AGT: variants seen among roughly 807,000 people sequenced by gnomAD.
AGT encodes alpha-1 antiproteinase, antitrypsin.
AGT carries 26 observed loss-of-function variants against 28.1 expected under a neutral mutation model. The observed-to-expected ratio is 0.92, with a 90% CI of 0.68 to 1.28. The LOEUF is 1.28. Ranked by LOEUF, AGT falls within the 50% of genes most tolerant of loss-of-function variation. The pLI is 0.00. For missense variants in AGT, 596 were observed against 592.3 expected (o/e 1.01, Z -0.06); for synonymous variants, 259 against 259.6 (o/e 1.00, Z 0.02).
intron 1 of AGT, among the ~76,000 whole-genome samples, chr1:230,739,957 G>T (rs540289488): frequency 2.6e-5 from 4 of 152,192 alleles, no homozygotes; most frequent in Admixed American, 2.0e-4. Context: ...CGTAAAGAAA[G>T]AATGGCCACT....
chr1:230,733,903 A>G (rs987944117), intron 1 of AGT, among the ~76,000 whole-genome samples: 4 of 152,080 alleles, frequency 2.6e-5, no homozygotes, highest in Admixed American at 6.6e-5. Flanking sequence ...TCTGCCAGTC[A>G]TTCAGGGACC....
chr1:230,707,607 C>T (rs370952716), intron 2 of AGT, among the ~76,000 whole-genome samples: 1 of 152,178 alleles, frequency 6.6e-6, no homozygotes, highest in Non-Finnish European at 1.5e-5. Context: ...GGCATGTGAG[C>T]GGGAAACTGC....
intron 1 of AGT, among the ~76,000 whole-genome samples, chr1:230,734,142 G>C (rs944872469): frequency 6.6e-6 from 1 of 152,124 alleles, no homozygotes; most frequent in African/African-American, 2.4e-5. Flanking sequence ...TGCAACTCAA[G>C]TGTCCACCAA....
At chr1:230,739,964 C>G (rs777648893) in intron 1 of AGT, among the ~76,000 whole-genome samples, 2 of 152,134 alleles carry the variant, frequency 1.3e-5, no homozygotes, top group African/African-American at 4.8e-5. Context: ...AAAGAATGGC[C>G]ACTCCGTAGG....
chr1:230,704,672 C>T (rs1162039832), intron 3 of AGT, among the ~76,000 whole-genome samples: 3 of 152,218 alleles, frequency 2.0e-5, no homozygotes, highest in Non-Finnish European at 4.4e-5. Context: ...TGAAATAATG[C>T]ACTGTGTCTT....
In AGT at chr1:230,704,330, G is replaced by T; in HGVS notation, c.1105C>A (p.His369Asn). ...AGCACCAGTTGGGGCATGGTCAGGT[G>T]GATGGTCCTGGGGAGATGATGCACA... ...WMKKLSPRTI[H>N]LTMPQLVLQG... The change falls in exon 4 of 5, where the codon CAC becomes AAC. Residue 369 changes from histidine to asparagine, a missense_variant. Transcript: ENST00000366667. The T allele has an allele frequency of 6.2e-7, 1 of 1,614,180 alleles. No homozygotes were observed. The highest frequency in any genetic ancestry group is 1.1e-5 in the South Asian group (1 of 91,074).
At chr1:230,711,286 G>GGAAGACCATGTGGGGACACAGAGA (rs1382963239) in intron 1 of AGT, among the ~76,000 whole-genome samples, 2 of 152,034 alleles carry the variant, frequency 1.3e-5, no homozygotes, top group Non-Finnish European at 2.9e-5. Flanking sequence ...GGACACAGAG[G>GGAAGACCATGTGGGGACACAGAGA]GAAGACCATG....
chr1:230,704,435 G>T, intron 3 of AGT, 98 bp from the exon 4 acceptor site: 1 of 1,472,404 alleles, frequency 6.8e-7, no homozygotes. Flanking sequence ...CAACCCTGAC[G>T]ACAGGGATGT....
At chr1:230,706,259 G>A (rs2102787287) in intron 2 of AGT, 59 bp from the exon 3 acceptor site, 1 of 1,582,464 alleles carries the variant, frequency 6.3e-7, no homozygotes, top group African/African-American at 1.3e-5. Flanking sequence ...GCAGGAATGA[G>A]GGCTGGCAGA....
rs1314286118 is a variant in AGT at position 230,710,489 on chromosome 1, T to C, written c.335A>G (p.His112Arg). 1 of 1,614,088 alleles carries C rather than the reference T, an allele frequency of 6.2e-7. No individual in the cohort carries two copies. Among genetic ancestry groups the C allele is most frequent in the African/African-American group, 1.3e-5 (1 of 74,928 alleles). Residue 112 changes from histidine (H) to arginine (R), a missense_variant, in exon 2 of 5, where the codon CAC becomes CGC. Coordinates refer to ENST00000366667, the MANE Select transcript of AGT (RefSeq NM_001384479.1). ...ATGGACCACGCCCCATAGCTCACTG[T>C]GCATGCCATATATACGGAAGCCCAA... Reference protein sequence around the residue: ...NFLGFRIYGMHSELWGVVHGA... With the variant: ...NFLGFRIYGMRSELWGVVHGA...
chr1:230,725,615 A>C (rs1046362344), intron 1 of AGT, among the ~76,000 whole-genome samples: 1 of 152,220 alleles, frequency 6.6e-6, no homozygotes, highest in Non-Finnish European at 1.5e-5. Context: ...GCAATGATAT[A>C]AATATTGCTC....
rs571593042 is a variant in AGT, at chr1:230,745,337, C to T, written c.-31+178G>A. On this transcript the variant is annotated intron_variant, in intron 1 of 4. Transcript: ENST00000681269. ...CTTTGCTTCCACAAACCCGCCATGC[C>T]TCTAGCAGGCAGCACCGATTATCCT... Among the ~76,000 whole-genome samples, 26 of 152,300 alleles carry T rather than the reference C, an allele frequency of 1.7e-4. No homozygotes were observed. In the East Asian group the frequency reaches 1.9e-3, roughly 11 times the overall value.
intron 1 of AGT, among the ~76,000 whole-genome samples, chr1:230,744,031 T>C (rs1210102773): frequency 5.9e-5 from 9 of 152,232 alleles, no homozygotes; most frequent in Non-Finnish European, 5.9e-5. Context: ...ACATGATGCA[T>C]GGCCCCCGCT....
chr1:230,727,838 C>T (rs938620647), intron 1 of AGT, among the ~76,000 whole-genome samples: 2 of 152,168 alleles, frequency 1.3e-5, no homozygotes, highest in Non-Finnish European at 2.9e-5. Flanking sequence ...ATTGTAACCA[C>T]CCAATTAGCT....
intron 1 of AGT, among the ~76,000 whole-genome samples, chr1:230,743,921 G>A (rs1346604910): frequency 6.6e-6 from 1 of 152,224 alleles, no homozygotes; most frequent in Non-Finnish European, 1.5e-5. Context: ...GAACAGCACA[G>A]AAAAGAGAGG....
At chr1:230,711,356 C>G (rs1663586364) in intron 1 of AGT, among the ~76,000 whole-genome samples, 1 of 152,056 alleles carries the variant, frequency 6.6e-6, no homozygotes, top group Admixed American at 6.5e-5. Flanking sequence ...CAGAGGAAAC[C>G]AACTCTGCTG....
intron 1 of AGT, among the ~76,000 whole-genome samples, chr1:230,711,864 T>C (rs531795116): frequency 6.6e-6 from 1 of 151,206 alleles, no homozygotes; most frequent in East Asian, 1.9e-4. Flanking sequence ...CTCTGATATG[T>C]AAGCAGGGTT....
chr1:230,745,149 AAG>A (rs1390655523), intron 1 of AGT, among the ~76,000 whole-genome samples: 1 of 152,178 alleles, frequency 6.6e-6, no homozygotes, highest in Non-Finnish European at 1.5e-5. Flanking sequence ...TGTGCAAACA[AAG>A]AGACAAAAGA....
At chr1:230,712,130 G>T (rs56373133) in intron 1 of AGT, among the ~76,000 whole-genome samples, 1 of 152,112 alleles carries the variant, frequency 6.6e-6, no homozygotes, top group Non-Finnish European at 1.5e-5. Flanking sequence ...CTGCAATATC[G>T]TCACTTCTTG....
Sources: allele counts gnomAD v4.1 joint callset (sites outside exome capture counted in the v4.1 genomes callset), GRCh38; gene constraint gnomAD v4.1.1; transcripts MANE v1.5; gene names NCBI Gene and HGNC (gene_info 2026-07-23, HGNC 2026-07-21).